Variants in ISM1 observed in about 807,000 individuals in gnomAD.
ISM1 encodes isthmin 1.
In ISM1, 25 loss-of-function variants were observed where a neutral mutation model predicts 46.3. The observed-to-expected ratio is 0.54, with a 90% CI of 0.39 to 0.75. The LOEUF (loss-of-function observed/expected upper bound fraction) is 0.75, where lower values mean the gene tolerates loss of function less well. ISM1 is among the 30% of genes least tolerant of loss of function. The pLI is 0.00. For synonymous variants in ISM1, 255 were observed against 256.7 expected (o/e 0.99, Z 0.06); for missense variants, 536 against 625.4 (o/e 0.86, Z 1.52).
rs911571992 is a variant in ISM1 at position 13,221,552 on chromosome 20, T to TGCGGCGGCGGCGGCG, written c.-215_-201dup. On this transcript the variant is annotated 5_prime_UTR_variant, in exon 1 of 6. Coordinates refer to ENST00000262487, the MANE Select transcript of ISM1 (RefSeq NM_080826.2). ...CGGCCTCGCGGTGGCTCCGCCGTGG[T>TGCGGCGGCGGCGGCG]GCGGCGGCGGCGGCGGCGGCGGCGC... Among the ~76,000 whole-genome samples the TGCGGCGGCGGCGGCG allele has an allele frequency of 4.2e-5, 6 of 141,508 alleles. No individual in the cohort carries two copies. The highest frequency in any genetic ancestry group is 4.5e-4 in the South Asian group (2 of 4,466). 92.8% of individuals were successfully genotyped at this position (141,508 alleles called of 152,430 possible).
chr20:13,246,338 C>T (rs2039794065), intron 1 of ISM1, among the ~76,000 whole-genome samples: 1 of 151,820 alleles, frequency 6.6e-6, no homozygotes, highest in South Asian at 2.1e-4. Flanking sequence ...TGAACCCTCA[C>T]AGCATGGTTC....
intron 1 of ISM1, among the ~76,000 whole-genome samples, chr20:13,228,811 T>C (rs1276348595): frequency 6.6e-6 from 1 of 152,248 alleles, no homozygotes; most frequent in African/African-American, 2.4e-5. Flanking sequence ...CTATCTTTCA[T>C]GTCTCTGAAT....
At chr20:13,244,581 T>C (rs2039771978) in intron 1 of ISM1, among the ~76,000 whole-genome samples, 1 of 152,214 alleles carries the variant, frequency 6.6e-6, no homozygotes, top group Non-Finnish European at 1.5e-5. Context: ...AAGATACTTA[T>C]TTAGCATGAA....
In ISM1 at chr20:13,221,866, C is replaced by A. The variant is rs903610236; in HGVS notation, c.90C>A (p.Ala30=). The part of the protein sequence containing the change: ...HITVLRGSGA[A]DGPDAAAGNA... ...CCGTGCTGCGCGGCTCGGGAGCCGC[C>A]GACGGGCCCGACGCGGCCGCGGGCA... Residue 30 remains alanine (A), a synonymous_variant, in exon 1 of 6, where the codon GCC becomes GCA. Coordinates refer to ENST00000262487, the MANE Select transcript of ISM1 (RefSeq NM_080826.2). 4 of 1,418,512 alleles carry A rather than the reference C, an allele frequency of 2.8e-6. No individual in the cohort carries two copies. Among genetic ancestry groups the A allele is most frequent in the African/African-American group, 3.0e-5 (2 of 66,792 alleles). 87.9% of individuals were successfully genotyped at this position (1,418,512 alleles called of 1,614,324 possible). A position where few individuals can be genotyped will look rare whatever the true frequency, so the allele number is the denominator to read the frequency against.
At chr20:13,294,726 C>T (rs1235438475) in intron 5 of ISM1, among the ~76,000 whole-genome samples, 1 of 151,812 alleles carries the variant, frequency 6.6e-6, no homozygotes, top group Admixed American at 6.5e-5. Flanking sequence ...AGAGAGGAGG[C>T]CACAGCCACA....
chr20:13,310,684 T>C, the ISM1 span, among the ~76,000 whole-genome samples: 1 of 152,188 alleles, frequency 6.6e-6, no homozygotes, highest in Non-Finnish European at 1.5e-5. Context: ...GATATGGGGT[T>C]AATCCGAAAT....
rs190810231 is a variant in ISM1 at position 13,247,882 on chromosome 20, C to T, written c.139-22622C>T. Among the ~76,000 whole-genome samples the T allele has an allele frequency of 2.6e-4, 39 of 152,254 alleles. 1 individual carries two copies. The highest frequency in any genetic ancestry group is 9.4e-4 in the African/African-American group (39 of 41,544). On this transcript the variant is annotated intron_variant, in intron 1 of 5. Coordinates refer to ENST00000262487, the MANE Select transcript of ISM1 (RefSeq NM_080826.2). ...CCAGTGTGATGTGTGTGTCCTAGAA[C>T]AAAATCCTCTAACCACAGTGCAAAA...
At chr20:13,286,414 T>C (rs1302392657) in intron 3 of ISM1, among the ~76,000 whole-genome samples, 1 of 151,880 alleles carries the variant, frequency 6.6e-6, no homozygotes, top group Non-Finnish European at 1.5e-5. Flanking sequence ...CAATAAGAGA[T>C]GGTAGAGAGG....
intron 3 of ISM1, among the ~76,000 whole-genome samples, chr20:13,286,875 C>T (rs1020280017): frequency 5.9e-5 from 9 of 152,210 alleles, no homozygotes; most frequent in African/African-American, 1.9e-4. Flanking sequence ...TACTCCCTCC[C>T]GGCAAGGGGC....
chr20:13,279,813 C>T lies in ISM1; in HGVS notation c.558C>T (p.Asp186=). The T allele has an allele frequency of 6.2e-7, 1 of 1,614,010 alleles. No homozygotes were observed. The highest frequency in any genetic ancestry group is 8.5e-7 in the Non-Finnish European group (1 of 1,179,870). The change falls in exon 3 of 6, where the codon GAC becomes GAT. Residue 186 remains aspartate, a synonymous_variant. Transcript: ENST00000262487. ...ACAAGTACGACAGTACCTCAGACGA[C>T]AGCAACTTCCTCAACCCCCCCAGGG... ...QDYKYDSTSD[D]SNFLNPPRGW...
At chr20:13,308,896 CCATGTAAG>C in the ISM1 span, among the ~76,000 whole-genome samples, 1 of 152,166 alleles carries the variant, frequency 6.6e-6, no homozygotes, top group Non-Finnish European at 1.5e-5. Flanking sequence ...CCTCTTTCCA[CCATGTAAG>C]CACAAAATGA....
At chr20:13,321,253 T>G in the ISM1 span, among the ~76,000 whole-genome samples, 1 of 57,522 alleles carries the variant, frequency 1.7e-5, no homozygotes, top group Non-Finnish European at 3.2e-5. Flanking sequence ...GTGCCCCACA[T>G]AAAAAAAAAA....
At chr20:13,297,477 T>C (rs759231221) in intron 5 of ISM1, among the ~76,000 whole-genome samples, 1 of 152,236 alleles carries the variant, frequency 6.6e-6, no homozygotes, top group Non-Finnish European at 1.5e-5. Context: ...CTGGAATCTT[T>C]TTGTCTCAGG....
intron 1 of ISM1, among the ~76,000 whole-genome samples, chr20:13,249,382 A>C (rs1046723451): frequency 1.3e-5 from 2 of 152,210 alleles, no homozygotes; most frequent in Admixed American, 6.5e-5. Flanking sequence ...CCAGACATGA[A>C]ACACGGGCAG....
chr20:13,306,564 C>CAAAAAAA, the ISM1 span, among the ~76,000 whole-genome samples: 296 of 63,892 alleles, frequency 4.6e-3, 5 homozygotes, highest in African/African-American at 0.013. Flanking sequence ...GGAGAAAGGA[C>CAAAAAAA]AAAAAAAAAA....
intron 2 of ISM1, among the ~76,000 whole-genome samples, chr20:13,271,514 AT>A (rs1245703657): frequency 6.6e-6 from 1 of 152,160 alleles, no homozygotes; most frequent in Non-Finnish European, 1.5e-5. Flanking sequence ...AGCCCGTGTC[AT>A]TTTTCTAATA....
chr20:13,317,848 T>C, the ISM1 span, among the ~76,000 whole-genome samples: 1 of 152,052 alleles, frequency 6.6e-6, no homozygotes, highest in Non-Finnish European at 1.5e-5. Flanking sequence ...TCCTAGAAGA[T>C]AACATAGGAG....
At position 13,239,360 on chromosome 20, in the gene ISM1, G is replaced by T. The variant is rs1407336; in HGVS notation, c.138+17446G>T. On this transcript the variant is annotated intron_variant, in intron 1 of 5. Transcript: ENST00000262487. ...CCAGGATTAATGCTAAGGTCTGGACGAACCCAATAATGGGCATGAATGGCC... is the reference window on the plus strand; with the variant it reads ...CCAGGATTAATGCTAAGGTCTGGACTAACCCAATAATGGGCATGAATGGCC... The T allele has an allele frequency of 0.26, 39,554 of 152,034 alleles. 5,360 individuals are homozygous for T. The highest frequency in any genetic ancestry group is 0.35 in the African/African-American group (14,315 of 41,434). 9.4% of individuals were successfully genotyped at this position (152,034 alleles called of 1,614,324 possible).
chr20:13,244,387 C>CAAAAAAAA (rs71328012), intron 1 of ISM1: 1 of 108,588 alleles, frequency 9.2e-6, no homozygotes, highest in Non-Finnish European at 2.0e-5. Flanking sequence ...ATGTCCTATG[C>CAAAAAAAA]AAAAAAAAAA....
Sources: allele counts gnomAD v4.1 joint callset (sites outside exome capture counted in the v4.1 genomes callset), GRCh38; gene constraint gnomAD v4.1.1; transcripts MANE v1.5; gene names NCBI Gene and HGNC (gene_info 2026-07-23, HGNC 2026-07-21).